Variants in GREB1L observed in about 807,000 individuals in gnomAD.
The protein encoded by GREB1L is GREB1 like retinoic acid receptor coactivator, also known as GREB1-like protein.
GREB1L carries 17 observed loss-of-function variants against 200.8 expected under a neutral mutation model. The ratio of observed to expected loss-of-function variants is 0.08; its 90% confidence interval spans 0.06 to 0.13. The LOEUF (loss-of-function observed/expected upper bound fraction) is 0.13. Among genes scored for constraint, GREB1L ranks in the 10% least tolerant of loss-of-function variants. GREB1L has a pLI of 1.00. For synonymous variants in GREB1L, 789 were observed against 893.0 expected, an observed-to-expected ratio of 0.88 and a Z score of 2.08; for missense variants, 1,657 against 2,367.7, an observed-to-expected ratio of 0.70 and a Z score of 6.23.
chr18:21,297,233 T>C (rs888138253), intron 1 of GREB1L, among the ~76,000 whole-genome samples: 3 of 152,116 alleles, frequency 2.0e-5, no homozygotes, highest in African/African-American at 7.2e-5. Context: ...ATGAGAAATA[T>C]GGTTGCAGAG....
At chr18:21,274,881 C>G (rs1283542819) in intron 1 of GREB1L, among the ~76,000 whole-genome samples, 1 of 150,774 alleles carries the variant, frequency 6.6e-6, no homozygotes, top group Non-Finnish European at 1.5e-5. Flanking sequence ...AGCAAGACCC[C>G]ATCTCTAAAA....
chr18:21,296,855 G>A (rs572580970), intron 1 of GREB1L, among the ~76,000 whole-genome samples: 8 of 152,036 alleles, frequency 5.3e-5, no homozygotes, highest in Admixed American at 3.3e-4. Flanking sequence ...GGGTTTCACC[G>A]TATTGGCTAG....
intron 1 of GREB1L, among the ~76,000 whole-genome samples, chr18:21,357,214 C>G (rs530656436): frequency 1.3e-5 from 2 of 152,234 alleles, no homozygotes; most frequent in African/African-American, 4.8e-5. Flanking sequence ...ACCACGACGT[C>G]TGGTTATTTT....
chr18:21,321,553 G>A (rs1440997358), intron 1 of GREB1L, among the ~76,000 whole-genome samples: 1 of 151,842 alleles, frequency 6.6e-6, no homozygotes, highest in Non-Finnish European at 1.5e-5. Flanking sequence ...TGGGCATGGT[G>A]GCGGGCACCT....
chr18:21,418,179 A>G (rs1467731961), intron 7 of GREB1L, among the ~76,000 whole-genome samples: 1 of 152,156 alleles, frequency 6.6e-6, no homozygotes, highest in Non-Finnish European at 1.5e-5. Flanking sequence ...ATGGAAGTTC[A>G]TTATTGTAAA....
At chr18:21,421,137 G>C (rs2032113493) in intron 7 of GREB1L, among the ~76,000 whole-genome samples, 1 of 152,098 alleles carries the variant, frequency 6.6e-6, no homozygotes, top group Admixed American at 6.5e-5. Flanking sequence ...ATAGGTGGGA[G>C]GAATTACAAA....
chr18:21,384,500 T>A, intron 4 of GREB1L, 97 bp downstream of exon 4: 1 of 910,572 alleles, frequency 1.1e-6, no homozygotes, highest in Non-Finnish European at 1.7e-6. Context: ...TGGAAACTAG[T>A]AATTATCGTA....
intron 15 of GREB1L, among the ~76,000 whole-genome samples, chr18:21,466,983 G>T (rs570757718): frequency 6.6e-6 from 1 of 152,268 alleles, no homozygotes; most frequent in African/African-American, 2.4e-5. Context: ...TTTGACAAGG[G>T]TGCCAAGACA....
At chr18:21,506,332 T>C (rs1399839978) in intron 25 of GREB1L, among the ~76,000 whole-genome samples, 2 of 151,828 alleles carry the variant, frequency 1.3e-5, no homozygotes, top group African/African-American at 4.8e-5. Context: ...AAGGTAAAGG[T>C]TGCAGTGAGC....
chr18:21,416,452 CAT>C (rs1340758194), intron 7 of GREB1L, among the ~76,000 whole-genome samples: 1 of 152,062 alleles, frequency 6.6e-6, no homozygotes, highest in Non-Finnish European at 1.5e-5. Context: ...GCATAAGAAA[CAT>C]AAAACTACAC....
At chr18:21,410,377 C>T (rs891883685) in intron 7 of GREB1L, among the ~76,000 whole-genome samples, 2 of 151,936 alleles carry the variant, frequency 1.3e-5, no homozygotes, top group African/African-American at 4.8e-5. Context: ...TATATAAAGG[C>T]CAGCACGGTG....
intron 1 of GREB1L, among the ~76,000 whole-genome samples, chr18:21,344,930 T>C (rs1220169675): frequency 1.3e-5 from 2 of 152,220 alleles, no homozygotes; most frequent in African/African-American, 4.8e-5. Context: ...GTGACCTAAT[T>C]ATATCTTTGA....
chr18:21,522,495 A>T (rs751571414), intron 32 of GREB1L, among the ~76,000 whole-genome samples, 163 bp from the exon 33 acceptor site: 3 of 152,166 alleles, frequency 2.0e-5, no homozygotes, highest in Non-Finnish European at 2.9e-5. Context: ...AAAAAAAATT[A>T]CTGAATTTGC....
intron 2 of GREB1L, among the ~76,000 whole-genome samples, chr18:21,378,796 G>A (rs2040182148): frequency 6.6e-6 from 1 of 152,134 alleles, no homozygotes; most frequent in African/African-American, 2.4e-5. Flanking sequence ...TCTGAATATT[G>A]CTAATGCTTT....
At chr18:21,331,868 T>G (rs2145045399) in intron 1 of GREB1L, among the ~76,000 whole-genome samples, 1 of 152,332 alleles carries the variant, frequency 6.6e-6, no homozygotes, top group East Asian at 1.9e-4. Context: ...TTTAAAAAAT[T>G]CACTTAATTG....
chr18:21,446,135 A>C (rs926640674), intron 11 of GREB1L, among the ~76,000 whole-genome samples: 2 of 151,994 alleles, frequency 1.3e-5, no homozygotes, highest in African/African-American at 2.4e-5. Context: ...AGCAATTCTC[A>C]TGTCTCAGCC....
Position 21,525,171 on chromosome 18 carries a change from T to G in GREB1L, c.*2350T>G, listed in dbSNP as rs540222952. On this transcript the variant is annotated 3_prime_UTR_variant, in exon 33 of 33. Transcript: ENST00000424526. Reference sequence around the variant, plus strand: ...AGTTCACACAGGTTAATACTGAATGTAAACGAAAAACTAGAAGACAATTGT... The same window carrying G: ...AGTTCACACAGGTTAATACTGAATGGAAACGAAAAACTAGAAGACAATTGT... The G allele has an allele frequency of 1.3e-5, 2 of 152,232 alleles. No homozygotes were observed. The highest frequency in any genetic ancestry group is 2.9e-5 in the Non-Finnish European group (2 of 67,980). 9.4% of individuals were successfully genotyped at this position (152,232 alleles called of 1,614,324 possible). A position where few individuals can be genotyped will look rare whatever the true frequency, so the allele number is the denominator to read the frequency against.
chr18:21,256,758 C>A (rs1421977494), intron 1 of GREB1L, among the ~76,000 whole-genome samples: 2 of 152,078 alleles, frequency 1.3e-5, no homozygotes, highest in East Asian at 3.9e-4. Context: ...GTAATCCCAG[C>A]ACTTTGGGAG....
intron 18 of GREB1L, 50 bp from the exon 19 acceptor site, chr18:21,489,962 T>C: frequency 7.2e-7 from 1 of 1,384,550 alleles, no homozygotes. Context: ...GCCTTGCTGC[T>C]CCCAGCTGGC....
Sources: gnomAD v4.1 joint callset for allele counts (sites outside exome capture counted in the v4.1 genomes callset) on GRCh38, gnomAD v4.1.1 for gene constraint, MANE v1.5 for transcripts, NCBI Gene and HGNC (gene_info 2026-07-23, HGNC 2026-07-21) for gene names.